NELL1: variants seen among roughly 807,000 people sequenced by gnomAD.
The protein encoded by NELL1 is neural EGFL like 1.
Under a neutral mutation model 107.4 loss-of-function variants are expected in NELL1, and 76 were observed. The observed-to-expected ratio is 0.71, with a 90% CI of 0.59 to 0.86. The LOEUF is 0.86. Among genes scored for constraint, NELL1 ranks in the 40% least tolerant of loss-of-function variants. The pLI is 0.00. For missense variants in NELL1, 1,024 were observed against 1,005.5 expected (o/e 1.02, Z -0.25); for synonymous variants, 353 against 341.2 (o/e 1.03, Z -0.38).
chr11:21,155,344 G>A (rs1434128526), intron 13 of NELL1, among the ~76,000 whole-genome samples: 1 of 152,080 alleles, frequency 6.6e-6, no homozygotes, highest in Non-Finnish European at 1.5e-5. Flanking sequence ...AAACTCTGAG[G>A]CACTGAGTGT....
chr11:20,823,631 T>C (rs988569966), intron 3 of NELL1, among the ~76,000 whole-genome samples: 1 of 151,406 alleles, frequency 6.6e-6, no homozygotes, highest in Non-Finnish European at 1.5e-5. Context: ...CTCCTGAATC[T>C]GAGTGCTTGG....
intron 3 of NELL1, among the ~76,000 whole-genome samples, chr11:20,845,764 T>A (rs1037193703): frequency 3.5e-4 from 53 of 152,296 alleles, no homozygotes; most frequent in African/African-American, 1.2e-3. Flanking sequence ...CATTTGTTCC[T>A]TTTAGGCCAT....
At chr11:20,946,426 A>G (rs1290920856) in intron 10 of NELL1, among the ~76,000 whole-genome samples, 3 of 152,238 alleles carry the variant, frequency 2.0e-5, no homozygotes, top group African/African-American at 2.4e-5. Flanking sequence ...ACAAATTGGC[A>G]TCATACTAAA....
At chr11:20,812,840 G>A (rs7924374) in intron 3 of NELL1, among the ~76,000 whole-genome samples, 84 of 149,394 alleles carry the variant, frequency 5.6e-4, no homozygotes, top group African/African-American at 1.9e-3. Context: ...AACCCCGTCT[G>A]TACTAAAAAT....
intron 14 of NELL1, among the ~76,000 whole-genome samples, chr11:21,243,818 C>G (rs576187348): frequency 6.6e-6 from 1 of 151,744 alleles, no homozygotes; most frequent in African/African-American, 2.4e-5. Context: ...CATTGTAAAA[C>G]TTTCAGTGTA....
At chr11:20,904,948 C>G (rs559500332) in intron 5 of NELL1, among the ~76,000 whole-genome samples, 1 of 151,810 alleles carries the variant, frequency 6.6e-6, no homozygotes, top group African/African-American at 2.4e-5. Flanking sequence ...CCCATTTTAG[C>G]TTCCTAAGAA....
At chr11:20,925,571 T>C (rs572159310) in intron 7 of NELL1, among the ~76,000 whole-genome samples, 10 of 151,662 alleles carry the variant, frequency 6.6e-5, no homozygotes, top group African/African-American at 2.4e-4. Context: ...TAGGTGTGAG[T>C]CACTGCACTT....
intron 13 of NELL1, among the ~76,000 whole-genome samples, chr11:21,211,998 G>A (rs531323978): frequency 4.6e-5 from 7 of 152,128 alleles, no homozygotes; most frequent in Non-Finnish European, 8.8e-5. Flanking sequence ...GCTAATTTTT[G>A]TATTTTTAGT....
intron 15 of NELL1, among the ~76,000 whole-genome samples, chr11:21,402,471 G>T (rs1472976247): frequency 6.6e-6 from 1 of 151,724 alleles, no homozygotes; most frequent in Non-Finnish European, 1.5e-5. Flanking sequence ...ACAAATTTAT[G>T]CTGTGTCAGC....
At chr11:21,126,445 T>A (rs543549318) in intron 13 of NELL1, among the ~76,000 whole-genome samples, 1 of 152,326 alleles carries the variant, frequency 6.6e-6, no homozygotes, top group South Asian at 2.1e-4. Flanking sequence ...AGCTTGGGCT[T>A]GTGACCAAGT....
chr11:21,088,744 A>T (rs1011154886), intron 12 of NELL1, among the ~76,000 whole-genome samples: 2 of 152,166 alleles, frequency 1.3e-5, no homozygotes, highest in Admixed American at 6.5e-5. Flanking sequence ...AAATGGTTAT[A>T]GAGGGCAATG....
At chr11:21,432,092 A>G (rs1179974938) in intron 15 of NELL1, among the ~76,000 whole-genome samples, 1 of 152,184 alleles carries the variant, frequency 6.6e-6, no homozygotes, top group Non-Finnish European at 1.5e-5. Context: ...TTAAAATGAA[A>G]GTCATTTTAG....
At chr11:21,431,040 G>A (rs955634826) in intron 15 of NELL1, among the ~76,000 whole-genome samples, 15 of 152,056 alleles carry the variant, frequency 9.9e-5, no homozygotes, top group Admixed American at 3.9e-4. Context: ...TTCAAAACAC[G>A]TCTAACCTAA....
chr11:21,414,741 A>G (rs1852466003), intron 15 of NELL1, among the ~76,000 whole-genome samples: 1 of 152,086 alleles, frequency 6.6e-6, no homozygotes, highest in South Asian at 2.1e-4. Context: ...GCTATGTGCA[A>G]TGGGCATTTG....
intron 9 of NELL1, 116 bp downstream of exon 9, chr11:20,928,595 G>T: frequency 1.3e-6 from 1 of 792,694 alleles, no homozygotes; most frequent in African/African-American, 1.7e-5. Context: ...ATTGGCAGTT[G>T]ATGTAACATT....
chr11:21,162,413 G>A (rs1294597539), intron 13 of NELL1, among the ~76,000 whole-genome samples: 1 of 152,112 alleles, frequency 6.6e-6, no homozygotes, highest in African/African-American at 2.4e-5. Flanking sequence ...AAGAGGTCAG[G>A]AAATCTACTG....
chr11:21,232,179 A>ATATAT (rs1565122814), intron 14 of NELL1, among the ~76,000 whole-genome samples: 8 of 111,550 alleles, frequency 7.2e-5, no homozygotes, highest in Admixed American at 1.9e-4. Context: ...TATATATATA[A>ATATAT]ATTAGCTGGG....
At chr11:20,982,758 G>C (rs1332038441) in intron 12 of NELL1, among the ~76,000 whole-genome samples, 1 of 152,174 alleles carries the variant, frequency 6.6e-6, no homozygotes, top group African/African-American at 2.4e-5. Context: ...AAAGTGCCCT[G>C]GGAGAGTTTA....
chr11:20,679,180 C>T (rs1377576711), intron 2 of NELL1, among the ~76,000 whole-genome samples: 3 of 152,064 alleles, frequency 2.0e-5, no homozygotes, highest in Non-Finnish European at 4.4e-5. Flanking sequence ...GGTGGGATGC[C>T]ATGTACTTTT....
Sources: allele counts gnomAD v4.1 joint callset (sites outside exome capture counted in the v4.1 genomes callset), GRCh38; gene constraint gnomAD v4.1.1; transcripts MANE v1.5; gene names NCBI Gene and HGNC (gene_info 2026-07-23, HGNC 2026-07-21).